The following KRAS variants were observed in gnomAD, a reference collection of about 807,000 sequenced individuals.
KRAS encodes KRas proto-oncogene, GTPase.
A neutral mutation model predicts 21.0 loss-of-function variants in KRAS; 1 was observed. The ratio of observed to expected loss-of-function variants is 0.05; its 90% CI spans 0.02 to 0.23. KRAS has a LOEUF of 0.23. Among genes scored for constraint, KRAS ranks in the 10% least tolerant of loss-of-function variants. The probability of loss-of-function intolerance (pLI) is 1.00; values close to 1 mark genes in which losing one functional copy is unlikely to be tolerated. For missense variants in KRAS, 107 were observed against 221.8 expected, an observed-to-expected ratio of 0.48 and a Z score of 3.29; for synonymous variants, 67 against 72.5, an observed-to-expected ratio of 0.92 and a Z score of 0.39.
At chr12:25,219,073 G>C (rs928535694) in intron 4 of KRAS, among the ~76,000 whole-genome samples, 66 of 151,848 alleles carry the variant, frequency 4.3e-4, no homozygotes, top group African/African-American at 1.5e-3. Context: ...TGAGTAGCTG[G>C]GACTACAGGC....
intron 2 of KRAS, chr12:25,234,774 A>G (rs1349364320): frequency 2.0e-5 from 4 of 196,038 alleles, no homozygotes; most frequent in Non-Finnish European, 4.2e-5. Context: ...ATTAATAACT[A>G]AATTATTCAG....
intron 2 of KRAS, among the ~76,000 whole-genome samples, chr12:25,242,298 A>T (rs1204408541): frequency 6.6e-6 from 1 of 152,188 alleles, no homozygotes; most frequent in South Asian, 2.1e-4. Context: ...TACTTAATAT[A>T]TATTTGGTAA....
At chr12:25,244,754 T>TA (rs1951655696) in intron 2 of KRAS, among the ~76,000 whole-genome samples, 2 of 152,310 alleles carry the variant, frequency 1.3e-5, no homozygotes, top group Non-Finnish European at 2.9e-5. Context: ...TTGGTAATAG[T>TA]ACCTTTATAT....
intron 4 of KRAS, chr12:25,210,651 A>G (rs776501096): frequency 2.0e-5 from 3 of 152,158 alleles, no homozygotes; most frequent in Non-Finnish European, 2.9e-5. Flanking sequence ...TAGTTTACCA[A>G]TTTGGAGGAG....
intron 4 of KRAS, among the ~76,000 whole-genome samples, chr12:25,220,477 C>A (rs1348232157): frequency 6.6e-6 from 1 of 152,154 alleles, no homozygotes; most frequent in Admixed American, 6.5e-5. Flanking sequence ...GCCTGTAATC[C>A]CAGCACTTTG....
intron 2 of KRAS, among the ~76,000 whole-genome samples, chr12:25,236,002 G>C (rs1199019167): frequency 6.6e-6 from 1 of 152,162 alleles, no homozygotes; most frequent in Non-Finnish European, 1.5e-5. Flanking sequence ...GCTAAGGCAA[G>C]TAATGCTCAC....
intron 3 of KRAS, among the ~76,000 whole-genome samples, chr12:25,226,701 AG>A (rs1195174328): frequency 6.6e-6 from 1 of 152,220 alleles, no homozygotes; most frequent in Non-Finnish European, 1.5e-5. Context: ...AATATAAAAT[AG>A]TATAATAATG....
intron 4 of KRAS, among the ~76,000 whole-genome samples, chr12:25,220,044 T>A (rs1362919801): frequency 2.6e-5 from 4 of 152,344 alleles, no homozygotes; most frequent in South Asian, 2.1e-4. Context: ...AAAAGCCGAA[T>A]GAGGAGTAAC....
intron 2 of KRAS, among the ~76,000 whole-genome samples, chr12:25,231,483 G>T (rs755484818): frequency 5.3e-5 from 8 of 152,078 alleles, no homozygotes; most frequent in Non-Finnish European, 1.2e-4. Context: ...TTCAGATAAA[G>T]AATAGTCAAC....
At chr12:25,234,902 T>G (rs1227996337) in intron 2 of KRAS, 2 of 241,008 alleles carry the variant, frequency 8.3e-6, no homozygotes, top group African/African-American at 4.4e-5. Context: ...GTATAGATTT[T>G]GTTTACTATA....
chr12:25,244,597 T>G (rs912226429), intron 2 of KRAS, among the ~76,000 whole-genome samples: 1 of 152,148 alleles, frequency 6.6e-6, no homozygotes, highest in Non-Finnish European at 1.5e-5. Context: ...TGCTGGTCTT[T>G]ACTTTGGTAA....
At chr12:25,241,081 A>G (rs934322837) in intron 2 of KRAS, among the ~76,000 whole-genome samples, 1 of 152,180 alleles carries the variant, frequency 6.6e-6, no homozygotes, top group African/African-American at 2.4e-5. Flanking sequence ...TCCCTTCAAC[A>G]AAGTAAGCTC....
At position 25,225,651 on chromosome 12, in the gene KRAS, C is replaced by G. The variant is rs754870563; in HGVS notation, c.413G>C (p.Gly138Ala). ...KQAQDLARSY[G>A]IPFIETSAKT... is the part of the protein sequence containing the mutation. ...TGCTGATGTTTCAATAAAAGGAATT[C>G]CATAACTTCTTGCTAAGTCCTGAGC... The change falls in exon 4 of 5, where the codon GGA becomes GCA. Residue 138 changes from glycine (G) to alanine (A), a missense_variant. Physicochemically the swap from Gly to Ala is moderately conservative, Grantham distance 60 (BLOSUM62 0). Around this residue, in one of 2 missense-constraint regions of KRAS, gnomAD observed 65 missense variants for 82.3 expected, o/e 0.79. Transcript: ENST00000311936. The G allele has an allele frequency of 2.5e-6, 4 of 1,613,144 alleles. No homozygotes were observed. The highest frequency in any genetic ancestry group is 2.5e-6 in the Non-Finnish European group (3 of 1,179,490).
chr12:25,227,665 T>C lies in KRAS; in HGVS notation c.112-253A>G, dbSNP rs958939906. Among the ~76,000 whole-genome samples the C allele has an allele frequency of 3.3e-5, 5 of 152,084 alleles. No individual in the cohort carries two copies. The South Asian group carries it at 6.2e-4, about 19-fold the overall frequency. ...ACATACCCATTAGGATTGGCTATTA[T>C]TAAAAAAACAAAACAAAAAAACTCA... is the stretch of plus-strand genomic sequence containing the variant. On this transcript the variant is annotated intron_variant, in intron 2 of 4. Coordinates refer to ENST00000311936, the MANE Select transcript of KRAS (RefSeq NM_004985.5).
chr12:25,211,386 C>T (rs1270878284), intron 4 of KRAS, among the ~76,000 whole-genome samples: 1 of 152,058 alleles, frequency 6.6e-6, no homozygotes, highest in East Asian at 1.9e-4. Context: ...ACCAGCCTGG[C>T]CAACATGGTG....
intron 4 of KRAS, among the ~76,000 whole-genome samples, chr12:25,211,498 C>G (rs1951199784): frequency 6.6e-6 from 1 of 151,852 alleles, no homozygotes; most frequent in South Asian, 2.1e-4. Context: ...TTGCTGAACC[C>G]GGAGAGGCGA....
chr12:25,248,373 C>G (rs1035472626), intron 1 of KRAS, among the ~76,000 whole-genome samples: 1 of 152,052 alleles, frequency 6.6e-6, no homozygotes, highest in Non-Finnish European at 1.5e-5. Flanking sequence ...TCGCTTGAGC[C>G]TGAGAGTCGG....
chr12:25,242,622 A>G (rs185766610), intron 2 of KRAS, among the ~76,000 whole-genome samples: 2 of 152,312 alleles, frequency 1.3e-5, no homozygotes, highest in Non-Finnish European at 2.9e-5. Context: ...TACTCCATCT[A>G]TGTGTCATAC....
intron 2 of KRAS, among the ~76,000 whole-genome samples, chr12:25,235,856 G>C (rs1270856051): frequency 6.6e-6 from 1 of 152,142 alleles, no homozygotes; most frequent in Non-Finnish European, 1.5e-5. Context: ...GTGATTTCAG[G>C]ATGAAACTGT....
Sources: allele counts gnomAD v4.1 joint callset (sites outside exome capture counted in the v4.1 genomes callset), GRCh38; gene constraint gnomAD v4.1.1; regional missense constraint gnomAD v4.1.1; transcripts MANE v1.5; gene names NCBI Gene and HGNC (gene_info 2026-07-23, HGNC 2026-07-21).